PCDH9: variants seen among roughly 807,000 people sequenced by gnomAD.
PCDH9 encodes the protein protocadherin 9.
In PCDH9, 24 loss-of-function variants were observed where a neutral mutation model predicts 70.6. The ratio of observed to expected loss-of-function variants is 0.34; its 90% CI spans 0.25 to 0.48. The LOEUF is 0.48. Among genes scored for constraint, PCDH9 ranks in the 20% least tolerant of loss-of-function variants. The pLI is 0.99. For synonymous variants in PCDH9, 562 were observed against 558.5 expected, an observed-to-expected ratio of 1.01 and a Z score of -0.09; for missense variants, 1,281 against 1,503.6, an observed-to-expected ratio of 0.85 and a Z score of 2.45.
rs186274103 is a variant in PCDH9 at position 66,536,006 on chromosome 13, A to G, written c.3340+95204T>C. Among the ~76,000 whole-genome samples, 164 of 152,208 alleles carry G rather than the reference A, an allele frequency of 1.1e-3. 1 individual carries two copies. The highest frequency in any genetic ancestry group is 3.8e-3 in the African/African-American group (160 of 41,566). Reference sequence around the variant, plus strand: ...TTCTAGCTATATTTGTAATATCATTAAAATGAGGAAATCAGTTATCAAATG... The same window carrying G: ...TTCTAGCTATATTTGTAATATCATTGAAATGAGGAAATCAGTTATCAAATG... On this transcript the variant is annotated intron_variant, in intron 4 of 4. Transcript: ENST00000377865.
intron 2 of PCDH9, among the ~76,000 whole-genome samples, chr13:67,168,413 A>G (rs2088182034): frequency 6.6e-6 from 1 of 152,172 alleles, no homozygotes; most frequent in Admixed American, 6.5e-5. Flanking sequence ...TAACAAGAAT[A>G]TCAGTGACCT....
chr13:66,849,324 G>T (rs1014060776), intron 3 of PCDH9, among the ~76,000 whole-genome samples: 1 of 151,430 alleles, frequency 6.6e-6, no homozygotes, highest in African/African-American at 2.4e-5. Flanking sequence ...TCTTCTTCAG[G>T]GTACAATGAA....
intron 3 of PCDH9, among the ~76,000 whole-genome samples, chr13:66,758,886 T>C (rs553249085): frequency 1.3e-5 from 2 of 152,050 alleles, no homozygotes; most frequent in Non-Finnish European, 2.9e-5. Flanking sequence ...TCCATTTCTT[T>C]TTGCTTATCC....
intron 2 of PCDH9, among the ~76,000 whole-genome samples, chr13:66,924,644 AT>A (rs2082688689): frequency 6.6e-6 from 1 of 151,874 alleles, no homozygotes; most frequent in Admixed American, 6.6e-5. Flanking sequence ...TCTTATACAT[AT>A]TTTGAAGAGC....
chr13:66,966,127 G>A (rs1337769591), intron 2 of PCDH9, among the ~76,000 whole-genome samples: 1 of 152,090 alleles, frequency 6.6e-6, no homozygotes, highest in Non-Finnish European at 1.5e-5. Context: ...GAGATTAGGG[G>A]TTTTAAGCCA....
chr13:66,895,797 C>T (rs369241064), intron 3 of PCDH9, among the ~76,000 whole-genome samples: 11 of 152,264 alleles, frequency 7.2e-5, no homozygotes, highest in East Asian at 1.9e-4. Flanking sequence ...TCTACATTTT[C>T]GTTGTTTTGT....
chr13:66,894,195 C>A (rs946046322), intron 3 of PCDH9, among the ~76,000 whole-genome samples: 1 of 151,882 alleles, frequency 6.6e-6, no homozygotes, highest in Non-Finnish European at 1.5e-5. Flanking sequence ...AAGAGAAGCT[C>A]GTTGCTTACT....
chr13:66,911,946 C>A (rs2082474575), intron 2 of PCDH9, among the ~76,000 whole-genome samples: 1 of 152,108 alleles, frequency 6.6e-6, no homozygotes. Context: ...ATATTTAAGA[C>A]AATTGTTTTG....
intron 4 of PCDH9, among the ~76,000 whole-genome samples, chr13:66,354,239 TG>T (rs1457440485): frequency 2.0e-5 from 3 of 152,162 alleles, no homozygotes; most frequent in African/African-American, 7.2e-5. Context: ...ACTCTGCAAC[TG>T]GAAGTTTCTT....
At chr13:66,759,301 G>A (rs9564339) in intron 3 of PCDH9, among the ~76,000 whole-genome samples, 1 of 151,636 alleles carries the variant, frequency 6.6e-6, no homozygotes, top group Non-Finnish European at 1.5e-5. Context: ...TTAAGTAAAG[G>A]TACTCCAAAT....
At chr13:66,352,159 A>T (rs1956303391) in intron 4 of PCDH9, among the ~76,000 whole-genome samples, 2 of 152,184 alleles carry the variant, frequency 1.3e-5, no homozygotes, top group African/African-American at 4.8e-5. Flanking sequence ...CTTATGCTGC[A>T]TCTTTTTCCT....
chr13:66,757,643 T>G (rs889834576), intron 3 of PCDH9, among the ~76,000 whole-genome samples: 1 of 152,050 alleles, frequency 6.6e-6, no homozygotes, highest in African/African-American at 2.4e-5. Flanking sequence ...CAAACATATA[T>G]AAAACGTATG....
At chr13:66,830,174 G>A (rs2080900899) in intron 3 of PCDH9, among the ~76,000 whole-genome samples, 2 of 152,186 alleles carry the variant, frequency 1.3e-5, no homozygotes, top group South Asian at 4.2e-4. Context: ...ATAGAAGTAG[G>A]AATGTATTAT....
intron 3 of PCDH9, among the ~76,000 whole-genome samples, chr13:66,800,618 T>C (rs2080311893): frequency 6.6e-6 from 1 of 152,126 alleles, no homozygotes; most frequent in African/African-American, 2.4e-5. Context: ...AAATAAAAAG[T>C]ACTTTGCTAA....
intron 2 of PCDH9, among the ~76,000 whole-genome samples, chr13:67,060,858 T>C (rs949870412): frequency 5.3e-5 from 8 of 152,122 alleles, no homozygotes; most frequent in Non-Finnish European, 1.0e-4. Flanking sequence ...CTATGCTGTA[T>C]TCTCTTTAAA....
chr13:66,319,529 A>G (rs1955714972), intron 4 of PCDH9, among the ~76,000 whole-genome samples: 1 of 151,980 alleles, frequency 6.6e-6, no homozygotes. Flanking sequence ...ACTCAAAGGT[A>G]TTAATCGAAA....
At chr13:67,201,015 T>C (rs1243356884) in intron 2 of PCDH9, 1 of 152,138 alleles carries the variant, frequency 6.6e-6, no homozygotes, top group Non-Finnish European at 1.5e-5. Context: ...CTCAACACTG[T>C]ACAAAACAAT....
At chr13:66,781,495 T>C (rs1377508993) in intron 3 of PCDH9, among the ~76,000 whole-genome samples, 1 of 152,202 alleles carries the variant, frequency 6.6e-6, no homozygotes, top group Non-Finnish European at 1.5e-5. Flanking sequence ...TGGGAAATTA[T>C]AATTAGTAGA....
chr13:66,338,703 A>T (rs936390475), intron 4 of PCDH9, among the ~76,000 whole-genome samples: 1 of 151,998 alleles, frequency 6.6e-6, no homozygotes, highest in African/African-American at 2.4e-5. Context: ...AGTTTGTTTC[A>T]GTGGAGATGA....
Sources: gnomAD v4.1 joint callset for allele counts (sites outside exome capture counted in the v4.1 genomes callset) on GRCh38, gnomAD v4.1.1 for gene constraint, MANE v1.5 for transcripts, NCBI Gene and HGNC (gene_info 2026-07-23, HGNC 2026-07-21) for gene names.